The following KCNK9 variants were observed in gnomAD, a reference collection of about 807,000 sequenced individuals.
The protein encoded by KCNK9 is potassium channel subfamily K member 9.
In KCNK9, 1 loss-of-function variant was observed where a neutral mutation model predicts 10.8. That is an observed-to-expected ratio of 0.09 (90% confidence interval 0.03 to 0.44). The LOEUF is 0.44. Among genes scored for constraint, KCNK9 ranks in the 20% least tolerant of loss-of-function variants. The pLI, the probability that KCNK9 is intolerant of heterozygous loss-of-function variation, is 0.97. For synonymous variants in KCNK9, 231 were observed against 222.7 expected, an observed-to-expected ratio of 1.04 and a Z score of -0.33; for missense variants, 303 against 515.0, an observed-to-expected ratio of 0.59 and a Z score of 3.98.
intron 1 of KCNK9, among the ~76,000 whole-genome samples, chr8:139,680,490 G>C (rs1586687597): frequency 6.6e-6 from 1 of 152,206 alleles, no homozygotes; most frequent in Non-Finnish European, 1.5e-5. Flanking sequence ...TGGGCTGGAG[G>C]AGGGACAGGA....
chr8:139,682,577 C>T (rs575362909), intron 1 of KCNK9, among the ~76,000 whole-genome samples: 9 of 152,140 alleles, frequency 5.9e-5, no homozygotes, highest in East Asian at 3.9e-4. Flanking sequence ...GAAAGAGGGA[C>T]GGGGTGGAGA....
intron 1 of KCNK9, among the ~76,000 whole-genome samples, chr8:139,627,667 G>A (rs899168750): frequency 4.6e-5 from 7 of 152,256 alleles, no homozygotes; most frequent in South Asian, 2.1e-4. Flanking sequence ...TTTAGCCAGC[G>A]TTTCACTGTA....
intron 1 of KCNK9, among the ~76,000 whole-genome samples, chr8:139,647,012 G>A (rs1414688344): frequency 6.6e-6 from 1 of 152,224 alleles, no homozygotes; most frequent in Non-Finnish European, 1.5e-5. Context: ...AAGGTGGGCT[G>A]GGTCCATCTG....
intron 1 of KCNK9, among the ~76,000 whole-genome samples, chr8:139,662,429 A>G (rs1816178515): frequency 6.6e-6 from 1 of 152,170 alleles, no homozygotes; most frequent in East Asian, 1.9e-4. Context: ...GCTGAGCTGT[A>G]CATGGCATCG....
At chr8:139,700,564 A>G (rs1433900614) in intron 1 of KCNK9, among the ~76,000 whole-genome samples, 1 of 148,518 alleles carries the variant, frequency 6.7e-6, no homozygotes, top group Admixed American at 6.7e-5. Flanking sequence ...ACACACACAC[A>G]TTTTTTTCCC....
intron 2 of KCNK9, among the ~76,000 whole-genome samples, chr8:139,603,287 T>C (rs1817412975): frequency 6.6e-6 from 1 of 152,076 alleles, no homozygotes; most frequent in Non-Finnish European, 1.5e-5. Context: ...TGTGTTTGGA[T>C]TGAATGACCA....
At chr8:139,663,000 C>G (rs1439352526) in intron 1 of KCNK9, among the ~76,000 whole-genome samples, 3 of 152,142 alleles carry the variant, frequency 2.0e-5, no homozygotes, top group African/African-American at 7.2e-5. Flanking sequence ...CTCTTCACAC[C>G]AGGGCAGCAC....
Position 139,618,445 on chromosome 8 carries a change from G to A in KCNK9, c.938C>T (p.Ala313Val). 2 of 1,614,052 alleles carry A rather than the reference G, an allele frequency of 1.2e-6. No individual in the cohort carries two copies. The highest frequency in any genetic ancestry group is 1.7e-6 in the Non-Finnish European group (2 of 1,179,986). The change falls in exon 2 of 2, where the codon GCA becomes GTA. Residue 313 changes from alanine to valine, a missense_variant. By Grantham distance (64) the Ala-to-Val change is moderately conservative (BLOSUM62 0). Transcript: ENST00000520439. The surrounding 1 kb of genome is among the most constrained non-coding windows in gnomAD (Gnocchi z 7.9). ...CTTGGCGCTGAAGGAGTTCTGCGGT[G>A]CCACCGAGCGGCCGCCATAGTCCTG... Reference protein sequence around the residue: ...RSQDYGGRSVAPQNSFSAKLA... With the variant: ...RSQDYGGRSVVPQNSFSAKLA...
intron 1 of KCNK9, among the ~76,000 whole-genome samples, chr8:139,645,843 G>A (rs576884787): frequency 7.9e-5 from 12 of 152,150 alleles, no homozygotes; most frequent in Non-Finnish European, 1.8e-4. Flanking sequence ...CCACCCAGAG[G>A]GCAGCAAGAG....
At chr8:139,614,459 T>TC (rs1814519792), downstream of KCNK9, among the ~76,000 whole-genome samples, 1 of 152,116 alleles carries the variant, frequency 6.6e-6, no homozygotes, top group Non-Finnish European at 1.5e-5. Flanking sequence ...ATGCAGGCAT[T>TC]CCCCTCCCAA....
chr8:139,608,621 C>T (rs965632581), downstream of KCNK9, among the ~76,000 whole-genome samples: 6 of 88,780 alleles, frequency 6.8e-5, no homozygotes, highest in African/African-American at 2.2e-4. Flanking sequence ...GCAGGCTTTG[C>T]GGGGGGGCGG....
chr8:139,699,119 G>C (rs374602236), intron 1 of KCNK9, among the ~76,000 whole-genome samples: 3 of 152,176 alleles, frequency 2.0e-5, no homozygotes, highest in African/African-American at 7.2e-5. Flanking sequence ...TCTACACTCT[G>C]CAGATGAGAT....
chr8:139,623,448 C>T (rs1406929523), intron 1 of KCNK9, among the ~76,000 whole-genome samples: 1 of 152,170 alleles, frequency 6.6e-6, no homozygotes, highest in Non-Finnish European at 1.5e-5. Flanking sequence ...CCAAGGGGCT[C>T]CAGCCAGCCT....
chr8:139,698,415 A>T (rs1817119372), intron 1 of KCNK9, among the ~76,000 whole-genome samples: 2 of 152,358 alleles, frequency 1.3e-5, no homozygotes, highest in Non-Finnish European at 2.9e-5. Flanking sequence ...TTTATTAAAG[A>T]AAAAGGCTGG....
At chr8:139,619,247 C>T in intron 1 of KCNK9, 148 bp from the exon 2 acceptor site, 1 of 870,244 alleles carries the variant, frequency 1.1e-6, no homozygotes, top group Admixed American at 2.4e-5. Flanking sequence ...AGGGGCGTGG[C>T]CATATATTGG....
At chr8:139,698,805 G>A (rs1817127468) in intron 1 of KCNK9, among the ~76,000 whole-genome samples, 1 of 152,196 alleles carries the variant, frequency 6.6e-6, no homozygotes, top group Admixed American at 6.5e-5. Context: ...TCTGTTTCAC[G>A]AAAAGTCTGT....
intron 2 of KCNK9, among the ~76,000 whole-genome samples, chr8:139,603,054 T>C (rs1202205162): frequency 2.0e-5 from 3 of 152,202 alleles, no homozygotes; most frequent in Non-Finnish European, 1.5e-5. Flanking sequence ...ACGGTTCTCA[T>C]CAGATCATCC....
intron 1 of KCNK9, among the ~76,000 whole-genome samples, chr8:139,698,338 A>G (rs528839542): frequency 1.4e-4 from 21 of 152,176 alleles, no homozygotes; most frequent in Non-Finnish European, 2.4e-4. Flanking sequence ...TGGCCCAGGA[A>G]TTGTGCTGGC....
chr8:139,675,574 C>G (rs1003577474), intron 1 of KCNK9, among the ~76,000 whole-genome samples: 9 of 152,192 alleles, frequency 5.9e-5, no homozygotes, highest in Admixed American at 5.9e-4. Flanking sequence ...CCCAGCCAAG[C>G]TGCCACCCTG....
Sources: gnomAD v4.1 joint callset for allele counts (sites outside exome capture counted in the v4.1 genomes callset) on GRCh38, gnomAD v4.1.1 for gene constraint, Gnocchi (gnomAD v3.1) non-coding constraint, MANE v1.5 for transcripts, NCBI Gene and HGNC (gene_info 2026-07-23, HGNC 2026-07-21) for gene names.